The following PALLD variants were observed in gnomAD, a reference collection of about 807,000 sequenced individuals.
The protein encoded by PALLD is palladin.
A neutral mutation model predicts 123.5 loss-of-function variants in PALLD; 61 were observed. The observed-to-expected ratio is 0.49, with a 90% CI of 0.40 to 0.61. The LOEUF is 0.61. PALLD is among the 20% of genes least tolerant of loss of function. PALLD has a pLI of 0.00. For missense variants in PALLD, 1,273 were observed against 1,377.0 expected (o/e 0.92, Z 1.20); for synonymous variants, 465 against 496.4 (o/e 0.94, Z 0.84).
At chr4:168,858,122 G>A (rs758745774) in intron 10 of PALLD, among the ~76,000 whole-genome samples, 7 of 152,180 alleles carry the variant, frequency 4.6e-5, no homozygotes, top group Non-Finnish European at 8.8e-5. Context: ...TCCTAATAAG[G>A]AAGAATGATG....
chr4:168,616,141 C>T (rs1774204936), intron 2 of PALLD, among the ~76,000 whole-genome samples: 1 of 152,108 alleles, frequency 6.6e-6, no homozygotes, highest in African/African-American at 2.4e-5. Context: ...AATCTGTCAT[C>T]AGAGCTATCC....
chr4:168,521,922 G>A (rs1763607153), intron 2 of PALLD, among the ~76,000 whole-genome samples: 1 of 152,056 alleles, frequency 6.6e-6, no homozygotes, highest in Non-Finnish European at 1.5e-5. Flanking sequence ...CTTCACTGCT[G>A]CAGGGTATGG....
chr4:168,762,013 A>G (rs1733012805), intron 10 of PALLD, among the ~76,000 whole-genome samples: 1 of 152,160 alleles, frequency 6.6e-6, no homozygotes, highest in South Asian at 2.1e-4. Context: ...AAAGGACGAC[A>G]AGTCTATTTT....
intron 10 of PALLD, among the ~76,000 whole-genome samples, chr4:168,853,774 A>G (rs1748163954): frequency 6.6e-6 from 1 of 152,184 alleles, no homozygotes; most frequent in South Asian, 2.1e-4. Flanking sequence ...CACTGGGGAC[A>G]GGGAAGTCAA....
In PALLD at chr4:168,843,103, GA is replaced by G; in HGVS notation, c.1965-47817del. ...TAATTACTGTGGTTTTGCCAGAAAGGAATTCTAAATGCAGGAAGGTTTGCCA... is the reference window on the plus strand; with the variant it reads ...TAATTACTGTGGTTTTGCCAGAAAGGATTCTAAATGCAGGAAGGTTTGCCA... On this transcript the variant is annotated intron_variant, in intron 10 of 21. Coordinates refer to ENST00000505667, the MANE Select transcript of PALLD (RefSeq NM_001166108.2). Among the ~76,000 whole-genome samples, 6 of 152,308 alleles carry G rather than the reference GA, an allele frequency of 3.9e-5. No individual in the cohort carries two copies. In the South Asian group the frequency reaches 1.2e-3, roughly 32 times the overall value.
chr4:168,554,648 A>T (rs959456917), intron 2 of PALLD, among the ~76,000 whole-genome samples: 10 of 152,200 alleles, frequency 6.6e-5, no homozygotes, highest in African/African-American at 1.7e-4. Context: ...TAATTTTTTT[A>T]AAAGATTTTT....
chr4:168,541,507 T>C (rs944205831), intron 2 of PALLD, among the ~76,000 whole-genome samples: 3 of 152,004 alleles, frequency 2.0e-5, no homozygotes, highest in Non-Finnish European at 4.4e-5. Context: ...ACAGTCTTAC[T>C]CTGTCGCCCA....
chr4:168,870,817 T>TC (rs1750974600), intron 10 of PALLD, among the ~76,000 whole-genome samples: 1 of 152,232 alleles, frequency 6.6e-6, no homozygotes, highest in African/African-American at 2.4e-5. Context: ...CTGGGCTGAC[T>TC]CCATGTTTTT....
intron 10 of PALLD, among the ~76,000 whole-genome samples, chr4:168,815,821 C>A (rs1741817483): frequency 6.6e-6 from 1 of 152,174 alleles, no homozygotes; most frequent in Admixed American, 6.5e-5. Flanking sequence ...AGATTACTTG[C>A]CTCTGAAAAC....
At chr4:168,833,050 G>A (rs1245605134) in intron 10 of PALLD, 2 of 152,290 alleles carry the variant, frequency 1.3e-5, no homozygotes, top group Non-Finnish European at 2.9e-5. Flanking sequence ...CCCAAAGCTG[G>A]AGCGCAGGGC....
intron 10 of PALLD, among the ~76,000 whole-genome samples, chr4:168,735,910 G>GA (rs1271547438): frequency 6.6e-6 from 1 of 152,136 alleles, no homozygotes; most frequent in Non-Finnish European, 1.5e-5. Context: ...GCCACTCTGT[G>GA]AAAAGCAGAA....
intron 8 of PALLD, among the ~76,000 whole-genome samples, chr4:168,696,990 C>G (rs145994761): frequency 6.6e-6 from 1 of 152,016 alleles, no homozygotes. Context: ...TGGAATAAAC[C>G]CAGACCCAGG....
chr4:168,578,889 CTGTT>C (rs1281721815), intron 2 of PALLD, among the ~76,000 whole-genome samples: 2 of 152,074 alleles, frequency 1.3e-5, no homozygotes, highest in Non-Finnish European at 2.9e-5. Context: ...AAAGAGAACA[CTGTT>C]TGAGGCTCAC....
At chr4:168,799,428 T>C (rs1266273484) in intron 10 of PALLD, among the ~76,000 whole-genome samples, 1 of 152,168 alleles carries the variant, frequency 6.6e-6, no homozygotes, top group Non-Finnish European at 1.5e-5. Flanking sequence ...ATCAAAACAT[T>C]TCTAATGCAA....
intron 15 of PALLD, among the ~76,000 whole-genome samples, chr4:168,911,822 C>T (rs895453759): frequency 1.3e-5 from 2 of 152,174 alleles, no homozygotes; most frequent in Non-Finnish European, 1.5e-5. Context: ...TGGAAATTTT[C>T]AGGAAACACA....
intron 17 of PALLD, among the ~76,000 whole-genome samples, chr4:168,916,433 A>C (rs1760099886): frequency 6.6e-6 from 1 of 152,100 alleles, no homozygotes; most frequent in Non-Finnish European, 1.5e-5. Flanking sequence ...ATTCTAGCTT[A>C]AGGGGGGGAA....
At chr4:168,511,286 A>G in intron 1 of PALLD, 137 bp from the exon 2 acceptor site, 1 of 550,860 alleles carries the variant, frequency 1.8e-6, no homozygotes, top group East Asian at 3.1e-5. Context: ...TATACTTGAT[A>G]TTTCTTCCAA....
intron 2 of PALLD, among the ~76,000 whole-genome samples, chr4:168,559,906 GA>G (rs889476211): frequency 5.4e-5 from 8 of 147,792 alleles, no homozygotes; most frequent in East Asian, 2.0e-4. Flanking sequence ...AAGAGAGAGA[GA>G]AAAAAAAAGA....
chr4:168,674,791 G>T (rs559534095), intron 3 of PALLD, among the ~76,000 whole-genome samples: 1 of 152,346 alleles, frequency 6.6e-6, no homozygotes, highest in Admixed American at 6.5e-5. Flanking sequence ...TGGCTTAACT[G>T]CCAACTAAGA....
Sources: allele counts gnomAD v4.1 joint callset (sites outside exome capture counted in the v4.1 genomes callset), GRCh38; gene constraint gnomAD v4.1.1; transcripts MANE v1.5; gene names NCBI Gene and HGNC (gene_info 2026-07-23, HGNC 2026-07-21).